The following LRPPRC variants were observed in gnomAD, a reference collection of about 807,000 sequenced individuals.
The protein encoded by LRPPRC is leucine rich pentatricopeptide repeat containing.
Under a neutral mutation model 180.3 loss-of-function variants are expected in LRPPRC, and 120 were observed. The ratio of observed to expected loss-of-function variants is 0.67; its 90% CI spans 0.57 to 0.77. The LOEUF is 0.77. Ranked by LOEUF, LRPPRC falls within the 30% of genes least tolerant of loss-of-function variation. LRPPRC has a pLI of 0.00. For missense variants in LRPPRC, 2,012 were observed against 1,657.2 expected, an observed-to-expected ratio of 1.21 and a Z score of -3.72; for synonymous variants, 723 against 600.0, an observed-to-expected ratio of 1.21 and a Z score of -3.00.
At chr2:43,894,111 A>G (rs1412613725) in intron 36 of LRPPRC, among the ~76,000 whole-genome samples, 1 of 152,052 alleles carries the variant, frequency 6.6e-6, no homozygotes, top group African/African-American at 2.4e-5. Context: ...TGTCATTTCA[A>G]AGGAGTAGCA....
chr2:43,978,973 A>G (rs1399846700), intron 3 of LRPPRC, among the ~76,000 whole-genome samples: 1 of 152,086 alleles, frequency 6.6e-6, no homozygotes, highest in East Asian at 1.9e-4. Flanking sequence ...AACTTCTTGT[A>G]TTGTTTCACA....
intron 30 of LRPPRC, among the ~76,000 whole-genome samples, chr2:43,909,045 T>C (rs1671161611): frequency 3.9e-5 from 6 of 152,134 alleles, no homozygotes. Flanking sequence ...GAATGGGAAA[T>C]GGGAAGAGAG....
At position 43,948,442 on chromosome 2, in the gene LRPPRC, C is replaced by G; in HGVS notation, c.1812G>C (p.Leu604Phe). 6.2e-7 allele frequency: 1 copy of G among 1,613,020 alleles called. No individual in the cohort carries two copies. The highest frequency in any genetic ancestry group is 1.1e-5 in the South Asian group (1 of 91,044). Residue 604 changes from leucine (L) to phenylalanine (F), a missense_variant, in exon 17 of 38, where the codon TTG (leucine) becomes TTC (phenylalanine). Leu to Phe is a conservative substitution (Grantham distance 22, BLOSUM62 0). Transcript: ENST00000260665. ...DSEVQAKEEH[L>F]RQYFHQLEKM... ...TCTCCAGCTGATGGAAGTATTGTCTCAAATGCTCCTCCTTGGCCTGTACCT... is the reference window on the plus strand; with the variant it reads ...TCTCCAGCTGATGGAAGTATTGTCTGAAATGCTCCTCCTTGGCCTGTACCT...
chr2:43,909,391 G>C (rs1208721014), intron 30 of LRPPRC, among the ~76,000 whole-genome samples: 3 of 152,092 alleles, frequency 2.0e-5, no homozygotes, highest in African/African-American at 7.2e-5. Flanking sequence ...AGTCTCACTT[G>C]TATGTCAAAC....
Position 43,948,465 on chromosome 2 carries a change from C to T in LRPPRC, c.1789G>A (p.Val597Ile). Residue 597 changes from valine to isoleucine, a missense_variant, in exon 17 of 38, where the codon GTA becomes ATA. Transcript: ENST00000260665. ...NLIDSMSDSEVQAKEEHLRQY... is the reference protein window; with the variant it reads ...NLIDSMSDSEIQAKEEHLRQY... ...CTCAAATGCTCCTCCTTGGCCTGTA[C>T]CTCTGAGTCACTCATGCTGTCAATC... 4.3e-6 allele frequency: 7 copies of T among 1,613,014 alleles called. No individual in the cohort carries two copies. Among genetic ancestry groups the T allele is most frequent in the Non-Finnish European group, 5.9e-6 (7 of 1,179,062 alleles).
rs1298791565 is a variant in LRPPRC, at chr2:43,888,483, A to C, written c.*117T>G. On this transcript the variant is annotated 3_prime_UTR_variant, in exon 38 of 38. Coordinates refer to ENST00000260665, the MANE Select transcript of LRPPRC (RefSeq NM_133259.4). ...GTCAATAAGACTTTGAACATGCATC[A>C]CACATACATAAGTACATAAAGAAAA... 5.8e-6 allele frequency: 4 copies of C among 686,746 alleles called. No homozygotes were observed. The highest frequency in any genetic ancestry group is 1.1e-5 in the Non-Finnish European group (4 of 376,926). The allele number at this position is 686,746 out of a possible 1,614,324, so 42.5% of individuals were successfully genotyped here.
At chr2:43,970,032 AC>A (rs536742391) in intron 11 of LRPPRC, among the ~76,000 whole-genome samples, 87 of 152,292 alleles carry the variant, frequency 5.7e-4, no homozygotes, top group Middle Eastern at 3.4e-3. Flanking sequence ...GTATCAAAAT[AC>A]TGTAATAATA....
Position 43,901,321 on chromosome 2 carries a change from T to A in LRPPRC, c.3568A>T (p.Asn1190Tyr). The change falls in exon 32 of 38, where the codon AAT becomes TAT. Residue 1190 changes from asparagine (N) to tyrosine (Y), a missense_variant and splice_region_variant. Asn to Tyr is a moderately radical substitution (Grantham distance 143). Coordinates refer to ENST00000260665, the MANE Select transcript of LRPPRC (RefSeq NM_133259.4). ...AAAAGAAGGCTTGCAAATACTCACT[T>A]CTTTATTTGAGCCAAAGCAATGTTA... ...INNIALAQIK[N>Y]NNIDAAIENI... 1.2e-6 allele frequency: 2 copies of A among 1,612,530 alleles called. No homozygotes were observed. The highest frequency in any genetic ancestry group is 1.7e-6 in the Non-Finnish European group (2 of 1,178,878).
intron 1 of LRPPRC, among the ~76,000 whole-genome samples, chr2:43,987,608 T>C (rs138979802): frequency 4.6e-5 from 7 of 152,250 alleles, no homozygotes; most frequent in Admixed American, 3.9e-4. Context: ...CTAATTATTT[T>C]ATTGGGCAAA....
chr2:43,934,609 G>A (rs113768391), intron 24 of LRPPRC, 145 bp downstream of exon 24: 26 of 660,860 alleles, frequency 3.9e-5, no homozygotes, highest in African/African-American at 3.3e-4. Flanking sequence ...AAATCTACCT[G>A]ATATTTTTCT....
In LRPPRC at chr2:43,918,006, C is replaced by A; in HGVS notation, c.3148+19G>T. 6.5e-7 allele frequency: 1 copy of A among 1,537,458 alleles called. No homozygotes were observed. The highest frequency in any genetic ancestry group is 9.0e-7 in the Non-Finnish European group (1 of 1,111,694). ...AAGACCACCCCCCCACACACACCCCCATCCCCGTATGTGCTTGCCTTTTTT... is the reference window on the plus strand; with the variant it reads ...AAGACCACCCCCCCACACACACCCCAATCCCCGTATGTGCTTGCCTTTTTT... On this transcript the variant is annotated intron_variant, in intron 29 of 37. Coordinates refer to ENST00000260665, the MANE Select transcript of LRPPRC (RefSeq NM_133259.4).
At chr2:43,924,151 C>T (rs1263386431) in intron 27 of LRPPRC, among the ~76,000 whole-genome samples, 2 of 151,966 alleles carry the variant, frequency 1.3e-5, no homozygotes, top group African/African-American at 2.4e-5. Flanking sequence ...CAAATAAATC[C>T]CCTTATTCGT....
In LRPPRC at chr2:43,954,307, G is replaced by C. The variant is rs746465305; in HGVS notation, c.1649+3078C>G. Reference sequence around the variant, plus strand: ...GAAAACTGGCAAAGAATTTAAATAGGTTATTTCATAGAAGAAATCCAAATG... The same window carrying C: ...GAAAACTGGCAAAGAATTTAAATAGCTTATTTCATAGAAGAAATCCAAATG... On this transcript the variant is annotated intron_variant, in intron 14 of 37. Coordinates refer to ENST00000260665, the MANE Select transcript of LRPPRC (RefSeq NM_133259.4). Among the ~76,000 whole-genome samples, 8 of 152,258 alleles carry C rather than the reference G, an allele frequency of 5.3e-5. No homozygotes were observed. The East Asian group carries it at 7.7e-4, about 15-fold the overall frequency.
intron 29 of LRPPRC, among the ~76,000 whole-genome samples, chr2:43,914,228 T>C (rs1184485477): frequency 6.6e-6 from 1 of 152,224 alleles, no homozygotes; most frequent in East Asian, 1.9e-4. Context: ...GCTGTGTAAT[T>C]AGTCCCTGTT....
Position 43,995,859 on chromosome 2 carries a change from C to T in LRPPRC, c.89G>A (p.Gly30Asp). Residue 30 changes from glycine (G) to aspartate (D), a missense_variant, in exon 1 of 38, where the codon GGC becomes GAC. Gly to Asp is a moderately conservative substitution (Grantham distance 94, BLOSUM62 -1). Coordinates refer to ENST00000260665, the MANE Select transcript of LRPPRC (RefSeq NM_133259.4). ...GGAGGCGGCATGCAGCCGGCCCGGG[C>T]CGCCAGGGAGGAGGCGCAGGGAGAG... ...LPLSLRLLPG[G>D]PGRLHAASYL... 1.3e-6 allele frequency: 2 copies of T among 1,486,296 alleles called. No individual in the cohort carries two copies. Among genetic ancestry groups the T allele is most frequent in the Non-Finnish European group, 1.8e-6 (2 of 1,126,292 alleles). The allele number at this position is 1,486,296 out of a possible 1,614,324, so 92.1% of individuals were successfully genotyped here.
chr2:43,973,068 T>C (rs937617439), intron 11 of LRPPRC, among the ~76,000 whole-genome samples: 1 of 152,224 alleles, frequency 6.6e-6, no homozygotes, highest in Non-Finnish European at 1.5e-5. Context: ...TGCTTAAACG[T>C]ACTTAAGAAC....
chr2:43,931,368 G>A (rs1305272753), intron 25 of LRPPRC, among the ~76,000 whole-genome samples: 1 of 152,170 alleles, frequency 6.6e-6, no homozygotes, highest in African/African-American at 2.4e-5. Context: ...ATGGCATAGA[G>A]AAGGAAGGGA....
At chr2:43,984,207 T>C (rs968791340) in intron 1 of LRPPRC, among the ~76,000 whole-genome samples, 28 of 152,112 alleles carry the variant, frequency 1.8e-4, no homozygotes, top group African/African-American at 3.1e-4. Flanking sequence ...CAGGACAACA[T>C]GTCAAGTTTG....
At chr2:43,931,756 T>C (rs904315036) in intron 25 of LRPPRC, among the ~76,000 whole-genome samples, 6 of 152,170 alleles carry the variant, frequency 3.9e-5, no homozygotes, top group Non-Finnish European at 5.9e-5. Context: ...TTAGATCTGA[T>C]AGAGAATCTC....
Sources: allele counts gnomAD v4.1 joint callset (sites outside exome capture counted in the v4.1 genomes callset), GRCh38; gene constraint gnomAD v4.1.1; transcripts MANE v1.5; gene names NCBI Gene and HGNC (gene_info 2026-07-23, HGNC 2026-07-21).